The following FAF1 variants were observed in gnomAD, a reference collection of about 807,000 sequenced individuals.
FAF1 encodes the protein FAS-associated factor 1.
A neutral mutation model predicts 92.5 loss-of-function variants in FAF1; 25 were observed. That is an observed-to-expected ratio of 0.27 (90% confidence interval 0.20 to 0.38). FAF1 has a LOEUF of 0.38. Among genes scored for constraint, FAF1 ranks in the 10% least tolerant of loss-of-function variants. The pLI, the probability that FAF1 is intolerant of heterozygous loss-of-function variation, is 1.00. For missense variants in FAF1, 636 were observed against 793.3 expected, an observed-to-expected ratio of 0.80 and a Z score of 2.38; for synonymous variants, 234 against 273.2, an observed-to-expected ratio of 0.86 and a Z score of 1.42.
intron 17 of FAF1, among the ~76,000 whole-genome samples, chr1:50,476,302 G>A (rs538628780): frequency 1.3e-5 from 2 of 152,304 alleles, no homozygotes; most frequent in East Asian, 1.9e-4. Flanking sequence ...TTTAAAAAAT[G>A]GAAAGAACTT....
intron 6 of FAF1, among the ~76,000 whole-genome samples, chr1:50,722,898 C>CA (rs1658473807): frequency 6.6e-6 from 1 of 152,124 alleles, no homozygotes; most frequent in African/African-American, 2.4e-5. Context: ...CTCTCCTAGT[C>CA]AAAAATAGGA....
chr1:50,834,209 G>A (rs891180917), intron 2 of FAF1, among the ~76,000 whole-genome samples: 5 of 152,160 alleles, frequency 3.3e-5, no homozygotes, highest in African/African-American at 1.2e-4. Flanking sequence ...CTTCCACCAT[G>A]ACTGTAAGTT....
rs1644362648 is a variant in FAF1 at position 50,852,945 on chromosome 1, CAGAAATTGATATGATG to C, written c.114+4968_114+4983del. On this transcript the variant is annotated intron_variant, in intron 2 of 18. Coordinates refer to ENST00000396153, the MANE Select transcript of FAF1 (RefSeq NM_007051.3). Reference sequence around the variant, plus strand: ...TAAATAATGGGCTGTAGCAAAGAAGCAGAAATTGATATGATGAGCTATTCTTTCACAGTAACTTATC... The same window carrying C: ...TAAATAATGGGCTGTAGCAAAGAAGCAGCTATTCTTTCACAGTAACTTATC... Among the ~76,000 whole-genome samples, 3 of 152,158 alleles carry C rather than the reference CAGAAATTGATATGATG, an allele frequency of 2.0e-5. No individual in the cohort carries two copies. The South Asian group carries it at 6.2e-4, about 32-fold the overall frequency.
chr1:50,939,015 G>C (rs1645109076), intron 1 of FAF1, among the ~76,000 whole-genome samples: 1 of 152,048 alleles, frequency 6.6e-6, no homozygotes, highest in African/African-American at 2.4e-5. Flanking sequence ...CTCCCACTTT[G>C]TTCTTTTTGC....
intron 1 of FAF1, among the ~76,000 whole-genome samples, chr1:50,862,066 A>G (rs1644439484): frequency 6.6e-6 from 1 of 151,862 alleles, no homozygotes; most frequent in Admixed American, 6.6e-5. Context: ...ATAGTTTAGA[A>G]GTCATTAAAC....
chr1:50,514,626 A>G (rs1057101108), intron 15 of FAF1, among the ~76,000 whole-genome samples: 1 of 152,172 alleles, frequency 6.6e-6, no homozygotes, highest in Non-Finnish European at 1.5e-5. Context: ...CCAAGTCCTA[A>G]CTGAGATTGT....
chr1:50,885,473 C>A (rs546885797), intron 1 of FAF1, among the ~76,000 whole-genome samples: 5 of 152,106 alleles, frequency 3.3e-5, no homozygotes, highest in South Asian at 4.1e-4. Context: ...TTGTCCTGAA[C>A]TTTATTTTGT....
At chr1:50,796,954 G>C (rs1661774076) in intron 3 of FAF1, among the ~76,000 whole-genome samples, 1 of 151,950 alleles carries the variant, frequency 6.6e-6, no homozygotes, top group African/African-American at 2.4e-5. Flanking sequence ...ACATGGCTGG[G>C]GCGAAACTCC....
intron 8 of FAF1, among the ~76,000 whole-genome samples, chr1:50,637,584 G>A (rs1654099344): frequency 6.6e-6 from 1 of 151,642 alleles, no homozygotes; most frequent in Admixed American, 6.6e-5. Flanking sequence ...GATTGGCATT[G>A]CAGTGAATCC....
chr1:50,684,390 C>T (rs1656562488), intron 7 of FAF1, among the ~76,000 whole-genome samples: 1 of 151,406 alleles, frequency 6.6e-6, no homozygotes, highest in Admixed American at 6.6e-5. Context: ...CAGCAGGGGT[C>T]AGGCAGTAGA....
At chr1:50,919,133 C>G (rs1228850688) in intron 1 of FAF1, among the ~76,000 whole-genome samples, 1 of 151,574 alleles carries the variant, frequency 6.6e-6, no homozygotes, top group Non-Finnish European at 1.5e-5. Flanking sequence ...TTTTAAATAC[C>G]CAACAGATAG....
chr1:50,731,002 T>C (rs1354051346), intron 6 of FAF1, among the ~76,000 whole-genome samples: 1 of 152,168 alleles, frequency 6.6e-6, no homozygotes, highest in Non-Finnish European at 1.5e-5. Flanking sequence ...GCACCTTCCA[T>C]CTGAAGAACT....
At chr1:50,857,010 A>T (rs1644395501) in intron 2 of FAF1, among the ~76,000 whole-genome samples, 1 of 151,858 alleles carries the variant, frequency 6.6e-6, no homozygotes, top group African/African-American at 2.4e-5. Flanking sequence ...TACCTTAAAA[A>T]TGTGAAACAA....
chr1:50,446,312 C>T (rs1034097206), intron 18 of FAF1, among the ~76,000 whole-genome samples: 1 of 152,186 alleles, frequency 6.6e-6, no homozygotes, highest in Non-Finnish European at 1.5e-5. Context: ...TTTTTAGTAC[C>T]TGAGCATAAA....
intron 4 of FAF1, among the ~76,000 whole-genome samples, chr1:50,780,043 G>A (rs1428914678): frequency 6.6e-6 from 1 of 150,828 alleles, no homozygotes; most frequent in African/African-American, 2.4e-5. Flanking sequence ...AAGAGGAAGT[G>A]TAGGGGGATC....
chr1:50,709,053 T>C (rs1174827223), intron 6 of FAF1, among the ~76,000 whole-genome samples: 1 of 152,340 alleles, frequency 6.6e-6, no homozygotes, highest in East Asian at 1.9e-4. Context: ...AAAGACTTCC[T>C]GAGGTTTGAA....
At chr1:50,917,938 G>A (rs1031684180) in intron 1 of FAF1, among the ~76,000 whole-genome samples, 1 of 152,112 alleles carries the variant, frequency 6.6e-6, no homozygotes, top group Non-Finnish European at 1.5e-5. Flanking sequence ...TTTACATGAA[G>A]TCCAATAACA....
chr1:50,905,979 C>T (rs1007826931), intron 1 of FAF1, among the ~76,000 whole-genome samples: 7 of 152,254 alleles, frequency 4.6e-5, no homozygotes, highest in Admixed American at 2.0e-4. Flanking sequence ...ATGGTATTGC[C>T]TACGTTTTCT....
At chr1:50,509,387 G>A (rs546132841) in intron 15 of FAF1, among the ~76,000 whole-genome samples, 2 of 152,170 alleles carry the variant, frequency 1.3e-5, no homozygotes, top group South Asian at 2.1e-4. Context: ...TGAGGCAGGA[G>A]GACTGTTTGA....
Sources: allele counts gnomAD v4.1 joint callset (sites outside exome capture counted in the v4.1 genomes callset), GRCh38; gene constraint gnomAD v4.1.1; transcripts MANE v1.5; gene names NCBI Gene and HGNC (gene_info 2026-07-23, HGNC 2026-07-21).